The following PRKD1 variants were observed in gnomAD, a reference collection of about 807,000 sequenced individuals.
PRKD1 encodes the protein protein kinase D1, also known as serine/threonine-protein kinase D1.
In PRKD1, 63 loss-of-function variants were observed where a neutral mutation model predicts 95.9. That is an observed-to-expected ratio of 0.66 (90% CI 0.54 to 0.81). PRKD1 has a LOEUF of 0.81. PRKD1 is among the 30% of genes least tolerant of loss of function. PRKD1 has a pLI of 0.00. For synonymous variants in PRKD1, 425 were observed against 423.1 expected, an observed-to-expected ratio of 1.00 and a Z score of -0.05; for missense variants, 1,048 against 1,165.3, an observed-to-expected ratio of 0.90 and a Z score of 1.47.
intron 1 of PRKD1, among the ~76,000 whole-genome samples, chr14:29,837,418 T>C (rs1815511724): frequency 6.6e-6 from 1 of 152,164 alleles, no homozygotes. Flanking sequence ...AGCACTATGA[T>C]TGTTTATTCA....
intron 1 of PRKD1, among the ~76,000 whole-genome samples, chr14:29,814,923 T>TA (rs1890632610): frequency 1.3e-5 from 2 of 152,138 alleles, no homozygotes; most frequent in Non-Finnish European, 2.9e-5. Flanking sequence ...TAAAGGATGG[T>TA]TTAATATTTA....
intron 1 of PRKD1, among the ~76,000 whole-genome samples, chr14:29,923,390 C>T (rs1349557227): frequency 2.0e-5 from 3 of 151,988 alleles, no homozygotes; most frequent in Non-Finnish European, 4.4e-5. Context: ...GTTTGTTGGT[C>T]CAGGTGAGTT....
intron 1 of PRKD1, among the ~76,000 whole-genome samples, chr14:29,760,349 CT>C (rs36093531): frequency 0.08 from 9,164 of 114,114 alleles, 327 homozygotes; most frequent in Non-Finnish European, 0.1. Flanking sequence ...ATTTTCTCAA[CT>C]TTTTTTTTTT....
At chr14:29,848,864 CA>C (rs1892187081) in intron 1 of PRKD1, among the ~76,000 whole-genome samples, 1 of 152,166 alleles carries the variant, frequency 6.6e-6, no homozygotes, top group South Asian at 2.1e-4. Flanking sequence ...GGCAAAGGAT[CA>C]GTGAAACCAA....
chr14:29,622,140 G>A (rs1879306847), intron 13 of PRKD1, among the ~76,000 whole-genome samples: 1 of 152,036 alleles, frequency 6.6e-6, no homozygotes. Flanking sequence ...TCCTTCTCTT[G>A]TGCAGTTCAC....
At chr14:29,804,513 C>T (rs1425864618) in intron 1 of PRKD1, among the ~76,000 whole-genome samples, 1 of 151,390 alleles carries the variant, frequency 6.6e-6, no homozygotes, top group Non-Finnish European at 1.5e-5. Context: ...ATTAGACTCT[C>T]AACAAGTAAT....
chr14:29,823,150 G>C, intron 1 of PRKD1, among the ~76,000 whole-genome samples: 1 of 152,138 alleles, frequency 6.6e-6, no homozygotes, highest in East Asian at 1.9e-4. Context: ...GCCCAGCACT[G>C]AGTACCCATA....
intron 1 of PRKD1, among the ~76,000 whole-genome samples, chr14:29,834,234 G>C (rs1194481023): frequency 6.6e-6 from 1 of 152,042 alleles, no homozygotes; most frequent in Non-Finnish European, 1.5e-5. Flanking sequence ...TGTTTTAGTA[G>C]AAGAATAAGT....
intron 2 of PRKD1, among the ~76,000 whole-genome samples, chr14:29,711,635 G>A (rs186192863): frequency 4.6e-5 from 7 of 152,158 alleles, no homozygotes; most frequent in Middle Eastern, 6.8e-3. Flanking sequence ...CAAGCAAAAC[G>A]TATCAATCAT....
chr14:29,927,668 A>T lies in PRKD1; in HGVS notation c.-156T>A. The stretch of plus-strand genomic sequence containing the variant: ...AAAGTCCCTGGGCTGGGGGAGGGCA[A>T]GGGGATGAGGATCGGGAGGGGAGGG... On this transcript the variant is annotated 5_prime_UTR_variant, in exon 1 of 18. The change creates a new upstream start codon in the 5' untranslated region. Coordinates refer to ENST00000331968, the MANE Select transcript of PRKD1 (RefSeq NM_002742.3). 29 of 184,344 alleles carry T rather than the reference A, an allele frequency of 1.6e-4. No homozygotes were observed. The highest frequency in any genetic ancestry group is 4.4e-4 in the East Asian group (2 of 4,592). 11.4% of individuals were successfully genotyped at this position (184,344 alleles called of 1,614,324 possible).
rs1316340845 is a variant in PRKD1 at position 29,808,531 on chromosome 14, C to T, written c.265-82857G>A. 3.3e-5 allele frequency among the ~76,000 whole-genome samples: 5 copies of T among 151,450 alleles called. No individual in the cohort carries two copies. In the South Asian group the frequency reaches 1.0e-3, roughly 32 times the overall value. ...TCTCCTGCATCAGCTTCCCAAGTAG[C>T]TGGGATTACAGGCACCTGCCACCAC... On this transcript the variant is annotated intron_variant, in intron 1 of 17. Transcript: ENST00000331968.
intron 6 of PRKD1, 102 bp from the exon 7 acceptor site, chr14:29,636,596 A>G (rs778886418): frequency 1.5e-5 from 18 of 1,164,540 alleles, no homozygotes; most frequent in Non-Finnish European, 2.2e-5. Flanking sequence ...GAAGCCCCAA[A>G]GAGGTAGTTC....
intron 1 of PRKD1, among the ~76,000 whole-genome samples, chr14:29,809,114 G>C (rs569308237): frequency 6.6e-6 from 1 of 152,168 alleles, no homozygotes; most frequent in Admixed American, 6.5e-5. Context: ...CATTGTCAAC[G>C]AAAAACAATA....
chr14:29,863,236 A>G (rs1262550694), intron 1 of PRKD1, among the ~76,000 whole-genome samples: 1 of 152,186 alleles, frequency 6.6e-6, no homozygotes, highest in Non-Finnish European at 1.5e-5. Context: ...TCCCTTTAGT[A>G]TCCTTTCAAT....
chr14:29,876,687 A>T (rs536539197), intron 1 of PRKD1, among the ~76,000 whole-genome samples: 2 of 152,030 alleles, frequency 1.3e-5, no homozygotes, highest in South Asian at 4.1e-4. Flanking sequence ...TCTATTTTAT[A>T]AAAACTCCAA....
intron 6 of PRKD1, among the ~76,000 whole-genome samples, chr14:29,637,766 T>TA (rs1408976693): frequency 6.6e-6 from 1 of 152,222 alleles, no homozygotes; most frequent in Non-Finnish European, 1.5e-5. Context: ...AGAGCAAAGA[T>TA]AGTCATTCTT....
chr14:29,902,480 T>C (rs1894351273), intron 1 of PRKD1, among the ~76,000 whole-genome samples: 1 of 152,206 alleles, frequency 6.6e-6, no homozygotes, highest in Non-Finnish European at 1.5e-5. Context: ...TGTTATAATT[T>C]CCTTTAGAAG....
At chr14:29,736,397 T>G (rs181581033) in intron 1 of PRKD1, among the ~76,000 whole-genome samples, 3 of 152,254 alleles carry the variant, frequency 2.0e-5, no homozygotes, top group African/African-American at 7.2e-5. Context: ...GCCTGACAAC[T>G]GAAAAGAGAA....
At chr14:29,686,932 C>G (rs1403508775) in intron 2 of PRKD1, among the ~76,000 whole-genome samples, 1 of 152,084 alleles carries the variant, frequency 6.6e-6, no homozygotes, top group Non-Finnish European at 1.5e-5. Flanking sequence ...CATACCATGA[C>G]TTTTTTGTCA....
Sources: allele counts gnomAD v4.1 joint callset (sites outside exome capture counted in the v4.1 genomes callset), GRCh38; gene constraint gnomAD v4.1.1; transcripts MANE v1.5; gene names NCBI Gene and HGNC (gene_info 2026-07-23, HGNC 2026-07-21).